The following FNDC5 variants were observed in gnomAD, a reference collection of about 807,000 sequenced individuals.
The protein encoded by FNDC5 is fibronectin type III domain containing 5, also known as fibronectin type III domain-containing protein 5.
A neutral mutation model predicts 24.6 loss-of-function variants in FNDC5; 10 were observed. The observed-to-expected ratio is 0.41, with a 90% CI of 0.25 to 0.69. The LOEUF (loss-of-function observed/expected upper bound fraction) is 0.69. Among genes scored for constraint, FNDC5 ranks in the 30% least tolerant of loss-of-function variants. The pLI, the probability that FNDC5 is intolerant of heterozygous loss-of-function variation, is 0.34. For synonymous variants in FNDC5, 90 were observed against 110.7 expected, an observed-to-expected ratio of 0.81 and a Z score of 1.18; for missense variants, 226 against 282.9, an observed-to-expected ratio of 0.80 and a Z score of 1.44.
chr1:32,866,059 CT>C (rs796348916), intron 4 of FNDC5, among the ~76,000 whole-genome samples: 84 of 152,306 alleles, frequency 5.5e-4, no homozygotes, highest in African/African-American at 1.9e-3. Flanking sequence ...ATTTCTTGAT[CT>C]ATTTTAGAAG....
In FNDC5 at chr1:32,866,199, TACTG is replaced by T. The variant is rs200371330; in HGVS notation, c.500-1406_500-1403del. Among the ~76,000 whole-genome samples, 714 of 152,360 alleles carry T rather than the reference TACTG, an allele frequency of 4.7e-3. 8 individuals carry two copies. Among genetic ancestry groups the T allele is most frequent in the African/African-American group, 0.016 (657 of 41,584 alleles). ...GTTTATATTGTTATGATTATATAAA[TACTG>T]TCTGTGCCAAATCTAATAACGCACC... On this transcript the variant is annotated intron_variant, in intron 4 of 5. Coordinates refer to ENST00000373471, the MANE Select transcript of FNDC5 (RefSeq NM_153756.3).
chr1:32,864,393 C>G, intron 5 of FNDC5, 94 bp from the exon 6 acceptor site: 1 of 1,572,538 alleles, frequency 6.4e-7, no homozygotes, highest in South Asian at 1.1e-5. Flanking sequence ...AGACACCCCA[C>G]TCCTATTGTC....
chr1:32,867,674 TCATGAGAGAAG>T, intron 4 of FNDC5, 68 bp downstream of exon 4: 2 of 1,407,430 alleles, frequency 1.4e-6, no homozygotes, highest in Admixed American at 1.8e-5. Flanking sequence ...ACCCTTTTTT[TCATGAGAGAAG>T]GGGCTGGTCA....
Position 32,863,720 on chromosome 1 carries a change from C to T in FNDC5, c.*574G>A, listed in dbSNP as rs1269044264. 7.7e-7 allele frequency: 1 copy of T among 1,304,372 alleles called. No homozygotes were observed. Among genetic ancestry groups the T allele is most frequent in the East Asian group, 5.5e-5 (1 of 18,038 alleles). The allele number at this position is 1,304,372 out of a possible 1,614,324, so 80.8% of individuals were successfully genotyped here. ...AGCTGAGAAGAAAAATGGAATCCTT[C>T]TCCCTGCAGACAGGCAGTCACGCTT... On this transcript the variant is annotated 3_prime_UTR_variant, in exon 6 of 6. Transcript: ENST00000373471.
chr1:32,865,511 G>A (rs896745000), intron 4 of FNDC5, among the ~76,000 whole-genome samples: 12 of 151,914 alleles, frequency 7.9e-5, no homozygotes, highest in African/African-American at 1.9e-4. Flanking sequence ...TTAGCTGGGC[G>A]TGGTGGCAGG....
intron 3 of FNDC5, 61 bp from the exon 4 acceptor site, chr1:32,867,903 C>T (rs555122724): frequency 4.6e-6 from 7 of 1,517,620 alleles, no homozygotes; most frequent in Admixed American, 1.7e-5. Flanking sequence ...TCCTCTAGGG[C>T]CAAGCCCAAG....
rs755006302 is a variant in FNDC5, at chr1:32,864,653, C to G, written c.633+11G>C. 14 of 1,613,868 alleles carry G rather than the reference C, an allele frequency of 8.7e-6. No individual in the cohort carries two copies. The Middle Eastern group carries it at 1.2e-3, about 140-fold the overall frequency. The stretch of plus-strand genomic sequence containing the variant: ...CAGGGTGGCCCACCCAGGCCCAGGT[C>G]TTGCCCTCACCTTGCTGCGGAGAAG... On this transcript the variant is annotated intron_variant, in intron 5 of 5. Coordinates refer to ENST00000373471, the MANE Select transcript of FNDC5 (RefSeq NM_153756.3).
At chr1:32,864,927 C>G in intron 4 of FNDC5, 130 bp from the exon 5 acceptor site, 2 of 1,368,840 alleles carry the variant, frequency 1.5e-6, no homozygotes, top group Non-Finnish European at 2.0e-6. Flanking sequence ...CACCCTCCCT[C>G]TGCCCTCTGG....
Position 32,863,929 on chromosome 1 carries a change from C to T in FNDC5, c.*365G>A, listed in dbSNP as rs190199568. 1 of 1,271,774 alleles carries T rather than the reference C, an allele frequency of 7.9e-7. No homozygotes were observed. Among genetic ancestry groups the T allele is most frequent in the East Asian group, 4.9e-5 (1 of 20,478 alleles). The allele number at this position is 1,271,774 out of a possible 1,614,324, so 78.8% of individuals were successfully genotyped here. On this transcript the variant is annotated 3_prime_UTR_variant, in exon 6 of 6. Transcript: ENST00000373471. Reference sequence around the variant, plus strand: ...TCCCTTGTGGAAAGAAAAGAGAAGCCCTGCCTGGATGTCTTGTCTTTTTGC... The same window carrying T: ...TCCCTTGTGGAAAGAAAAGAGAAGCTCTGCCTGGATGTCTTGTCTTTTTGC...
Position 32,868,255 on chromosome 1 carries a change from G to C in FNDC5, c.344C>G (p.Pro115Arg). The C allele has an allele frequency of 6.2e-7, 1 of 1,614,184 alleles. No individual in the cohort carries two copies. Among genetic ancestry groups the C allele is most frequent in the South Asian group, 1.1e-5 (1 of 91,086 alleles). The stretch of plus-strand genomic sequence containing the variant: ...CTTGAAGAGCACAGGCTCGCTGGCT[G>C]GGCTCTGGCCCTGAATGGAGATGGC... Residue 115 changes from proline (P) to arginine (R), a missense_variant, in exon 3 of 6, where the codon CCA (proline) becomes CGA (arginine). Transcript: ENST00000373471. The surrounding 1 kb of genome is among the most constrained non-coding windows in gnomAD (Gnocchi z 4.8).
chr1:32,863,598 T>C lies in FNDC5; in HGVS notation c.*696A>G, dbSNP rs1451769803. 15 of 865,380 alleles carry C rather than the reference T, an allele frequency of 1.7e-5. No homozygotes were observed. The highest frequency in any genetic ancestry group is 2.5e-5 in the Non-Finnish European group (15 of 611,052). 53.6% of individuals were successfully genotyped at this position (865,380 alleles called of 1,614,324 possible). A position where few individuals can be genotyped will look rare whatever the true frequency, so the allele number is the denominator to read the frequency against. ...GGTTTGTAGTGCAGCCTCCTTCATC[T>C]GACTAGGACAAGGAGAAGAGAGAAC... On this transcript the variant is annotated 3_prime_UTR_variant, in exon 6 of 6. Coordinates refer to ENST00000373471, the MANE Select transcript of FNDC5 (RefSeq NM_153756.3).
chr1:32,872,103 C>T (rs907069624), upstream of FNDC5, among the ~76,000 whole-genome samples: 1 of 152,176 alleles, frequency 6.6e-6, no homozygotes, highest in South Asian at 2.1e-4. Context: ...CCTCTCCATC[C>T]CCCTGGTTTT....
At position 32,863,042 on chromosome 1, in the gene FNDC5, CTT is replaced by C. The variant is rs1011902835; in HGVS notation, c.*1250_*1251del. 22 of 152,692 alleles carry C rather than the reference CTT, an allele frequency of 1.4e-4. No homozygotes were observed. The highest frequency in any genetic ancestry group is 1.2e-3 in the Admixed American group (19 of 15,282). The allele number at this position is 152,692 out of a possible 1,614,324, so 9.5% of individuals were successfully genotyped here. Reference sequence around the variant, plus strand: ...CCCCAGAATGCCAGCTGTGATGTGACTTTTCAGTTGTCCAAGCTAGCATTTCT... The same window carrying C: ...CCCCAGAATGCCAGCTGTGATGTGACTTCAGTTGTCCAAGCTAGCATTTCT... On this transcript the variant is annotated 3_prime_UTR_variant, in exon 6 of 6. Coordinates refer to ENST00000373471, the MANE Select transcript of FNDC5 (RefSeq NM_153756.3).
chr1:32,869,951 T>G (rs1283955130), intron 1 of FNDC5, among the ~76,000 whole-genome samples: 3 of 147,614 alleles, frequency 2.0e-5, no homozygotes, highest in African/African-American at 7.6e-5. Context: ...GAGGGGGAGG[T>G]GGAGAGACAG....
At chr1:32,864,847 T>G in intron 4 of FNDC5, 50 bp from the exon 5 acceptor site, 10 of 1,605,204 alleles carry the variant, frequency 6.2e-6, no homozygotes, top group Non-Finnish European at 8.5e-6. Flanking sequence ...GGTTCCTGCC[T>G]CCCCTGCTTC....
rs893902374 is a variant in FNDC5, at chr1:32,867,780, T to C, written c.472A>G (p.Ile158Val). Reference sequence around the variant, plus strand: ...GCCCACATGAACAGGACCACGACGATGATCAGCACCTCGCCTGTCCGCAGC... The same window carrying C: ...GCCCACATGAACAGGACCACGACGACGATCAGCACCTCGCCTGTCCGCAGC... Residue 158 changes from isoleucine to valine, a missense_variant, in exon 4 of 6, where the codon ATC (isoleucine) becomes GTC (valine). Transcript: ENST00000373471. The C allele has an allele frequency of 6.2e-7, 1 of 1,614,062 alleles. No individual in the cohort carries two copies. The highest frequency in any genetic ancestry group is 8.5e-7 in the Non-Finnish European group (1 of 1,179,990).
chr1:32,865,435 C>T lies in FNDC5; in HGVS notation c.500-638G>A, dbSNP rs767300441. ...TTGGGAGGCCAACATGGGTGGATCA[C>T]GAGGTCAGGAAATAGAGACCAGCCT... is the stretch of plus-strand genomic sequence containing the variant. On this transcript the variant is annotated intron_variant, in intron 4 of 5. Coordinates refer to ENST00000373471, the MANE Select transcript of FNDC5 (RefSeq NM_153756.3). Among the ~76,000 whole-genome samples the T allele has an allele frequency of 3.6e-4, 55 of 151,166 alleles. 1 individual carries two copies. The highest frequency in any genetic ancestry group is 8.4e-4 in the South Asian group (4 of 4,788).
chr1:32,864,678 GC>G lies in FNDC5; in HGVS notation c.618del (p.Leu207PhefsTer69), dbSNP rs1641036070. 6.2e-7 allele frequency: 1 copy of G among 1,614,070 alleles called. No individual in the cohort carries two copies. Among genetic ancestry groups the G allele is most frequent in the Non-Finnish European group, 8.5e-7 (1 of 1,180,022 alleles). ...CTTGCCCTCACCTTGCTGCGGAGAA[GC>G]CCCCCGCCCTGGTGCTCTGGTGTGC... is the stretch of plus-strand genomic sequence containing the variant. On this transcript the variant is annotated frameshift_variant, in exon 5 of 6. Transcript: ENST00000373471. LOFTEE classifies it high-confidence loss of function.
chr1:32,867,838 CTCA>C lies in FNDC5; in HGVS notation c.411_413del (p.Asp137del). On this transcript the variant is annotated inframe_deletion and splice_region_variant, in exon 4 of 6. Transcript: ENST00000373471. ...TCCTCCCCATCTCTTTCATGGTTAC[CTCA>C]TCTGCAGGGAGAGAGACACTAGATC... 1 of 1,613,968 alleles carries C rather than the reference CTCA, an allele frequency of 6.2e-7. No individual in the cohort carries two copies. Among genetic ancestry groups the C allele is most frequent in the Non-Finnish European group, 8.5e-7 (1 of 1,179,946 alleles).
Sources: allele counts gnomAD v4.1 joint callset (sites outside exome capture counted in the v4.1 genomes callset), GRCh38; gene constraint gnomAD v4.1.1; non-coding constraint Gnocchi (gnomAD v3.1); transcripts MANE v1.5; gene names NCBI Gene and HGNC (gene_info 2026-07-23, HGNC 2026-07-21).